The following SCD5 variants were observed in gnomAD, a reference collection of about 807,000 sequenced individuals.
SCD5 encodes stearoyl-CoA desaturase 5.
A neutral mutation model predicts 30.4 loss-of-function variants in SCD5; 20 were observed. The ratio of observed to expected loss-of-function variants is 0.66; its 90% CI spans 0.46 to 0.96. SCD5 has a LOEUF of 0.96. Among genes scored for constraint, SCD5 ranks in the 40% least tolerant of loss-of-function variants. The pLI is 0.00. For synonymous variants in SCD5, 173 were observed against 176.4 expected (o/e 0.98, Z 0.16); for missense variants, 381 against 443.3 (o/e 0.86, Z 1.26).
chr4:82,699,407 CAG>C (rs1192370450), intron 2 of SCD5, among the ~76,000 whole-genome samples: 1 of 151,742 alleles, frequency 6.6e-6, no homozygotes, highest in East Asian at 1.9e-4. Flanking sequence ...TTTTTTGAGA[CAG>C]AGACTCGCTC....
At chr4:82,744,469 T>A (rs1284660859) in intron 1 of SCD5, among the ~76,000 whole-genome samples, 2 of 152,184 alleles carry the variant, frequency 1.3e-5, no homozygotes, top group Non-Finnish European at 2.9e-5. Flanking sequence ...GCAAGCTGTA[T>A]CCCCACGACC....
chr4:82,646,434 G>C (rs1727635188), intron 3 of SCD5, among the ~76,000 whole-genome samples: 1 of 152,120 alleles, frequency 6.6e-6, no homozygotes, highest in Non-Finnish European at 1.5e-5. Context: ...GCCCATTTTG[G>C]GGTAGCTCTG....
intron 3 of SCD5, among the ~76,000 whole-genome samples, chr4:82,637,427 T>C (rs1340808714): frequency 1.3e-5 from 2 of 152,136 alleles, no homozygotes; most frequent in Non-Finnish European, 2.9e-5. Context: ...AAATCACCCA[T>C]AGTTTGAGTT....
intron 1 of SCD5, among the ~76,000 whole-genome samples, chr4:82,723,034 G>A (rs62311786): frequency 4.5e-5 from 6 of 134,742 alleles, no homozygotes; most frequent in Middle Eastern, 5.2e-3. Flanking sequence ...CCGAGATCGC[G>A]CCATTGCACT....
rs2148817937 is a variant in SCD5 at position 82,665,540 on chromosome 4, T to C, written c.569+15167A>G. ...TTATGTAAGGCATAAGACAAGGTAC[T>C]GACATCTTTAAAATACCAAGAGAAA... On this transcript the variant is annotated intron_variant, in intron 3 of 4. Transcript: ENST00000319540. Among the ~76,000 whole-genome samples, 2 of 152,220 alleles carry C rather than the reference T, an allele frequency of 1.3e-5. 1 individual carries two copies. Among genetic ancestry groups the C allele is most frequent in the Non-Finnish European group, 2.9e-5 (2 of 68,012 alleles).
chr4:82,753,315 T>C (rs1266646396), intron 1 of SCD5: 3 of 503,844 alleles, frequency 6.0e-6, no homozygotes, highest in Non-Finnish European at 1.2e-5. Context: ...GGGGTGGGGG[T>C]GGGGGGTTCT....
chr4:82,680,561 T>A, intron 3 of SCD5, 146 bp downstream of exon 3: 1 of 709,672 alleles, frequency 1.4e-6, no homozygotes. Context: ...AGGAAATTAA[T>A]AAATAGAGAT....
intron 1 of SCD5, among the ~76,000 whole-genome samples, chr4:82,750,897 C>CTAGTGAAACTAG (rs1721088344): frequency 6.6e-6 from 1 of 152,170 alleles, no homozygotes; most frequent in Non-Finnish European, 1.5e-5. Context: ...CAGAGTTCCC[C>CTAGTGAAACTAG]AACTAGTGAA....
chr4:82,631,720 G>A (rs969929717), intron 4 of SCD5, among the ~76,000 whole-genome samples: 4 of 152,250 alleles, frequency 2.6e-5, no homozygotes, highest in East Asian at 3.9e-4. Context: ...GCAATAAATC[G>A]TCACAAGATT....
At chr4:82,719,660 C>T (rs1164589614) in intron 1 of SCD5, among the ~76,000 whole-genome samples, 3 of 151,482 alleles carry the variant, frequency 2.0e-5, no homozygotes, top group African/African-American at 4.9e-5. Flanking sequence ...CCCGCTACCA[C>T]GCCCAGCTAA....
intron 1 of SCD5, among the ~76,000 whole-genome samples, chr4:82,777,536 G>A (rs1203247662): frequency 2.6e-5 from 4 of 152,222 alleles, no homozygotes; most frequent in African/African-American, 7.2e-5. Flanking sequence ...TAATAGGTGT[G>A]TGATGGTTGG....
At position 82,740,517 on chromosome 4, in the gene SCD5, A is replaced by G. The variant is rs569563477; in HGVS notation, c.233-35104T>C. Among the ~76,000 whole-genome samples the G allele has an allele frequency of 5.9e-5, 9 of 152,356 alleles. No homozygotes were observed. In the South Asian group the frequency reaches 1.5e-3, roughly 25 times the overall value. ...ATCTATAGTGAAGTTCATTTTCACA[A>G]TAAGCTTTGGAGGGTATCATTCATC... is the stretch of plus-strand genomic sequence containing the variant. On this transcript the variant is annotated intron_variant, in intron 1 of 4. Coordinates refer to ENST00000319540, the MANE Select transcript of SCD5 (RefSeq NM_001037582.3).
chr4:82,781,270 G>C (rs980132748), intron 1 of SCD5, among the ~76,000 whole-genome samples: 2 of 152,012 alleles, frequency 1.3e-5, no homozygotes, highest in South Asian at 2.1e-4. Flanking sequence ...AAAATAATTA[G>C]TCAGGCGTGG....
intron 1 of SCD5, among the ~76,000 whole-genome samples, chr4:82,706,271 C>T (rs58866738): frequency 0.31 from 47,323 of 152,082 alleles, 7,823 homozygotes; most frequent in Middle Eastern, 0.45. Flanking sequence ...TGATTCTATT[C>T]TGCCAGTAGG....
At chr4:82,746,811 T>A (rs1720992655) in intron 1 of SCD5, among the ~76,000 whole-genome samples, 1 of 152,088 alleles carries the variant, frequency 6.6e-6, no homozygotes, top group Admixed American at 6.5e-5. Context: ...CCACCCTTGG[T>A]CCTGCGCCCA....
rs1318404345 is a variant in SCD5, at chr4:82,679,261, AAG to A, written c.569+1444_569+1445del. On this transcript the variant is annotated intron_variant, in intron 3 of 4. Coordinates refer to ENST00000319540, the MANE Select transcript of SCD5 (RefSeq NM_001037582.3). ...GAAAGAAAGAAAGAAAGAAAGAAAG[AAG>A]GAAGGAAAGAAAGAAAGAAGGAAGG... is the stretch of plus-strand genomic sequence containing the variant. Among the ~76,000 whole-genome samples, 8 of 103,954 alleles carry A rather than the reference AAG, an allele frequency of 7.7e-5. 1 individual carries two copies. The highest frequency in any genetic ancestry group is 3.2e-4 in the Admixed American group (3 of 9,408). The allele number at this position is 103,954 out of a possible 152,430, so 68.2% of individuals were successfully genotyped here. A position where few individuals can be genotyped will look rare whatever the true frequency, so the allele number is the denominator to read the frequency against.
intron 2 of SCD5, among the ~76,000 whole-genome samples, chr4:82,698,973 C>T (rs1338289182): frequency 2.0e-5 from 3 of 152,190 alleles, no homozygotes; most frequent in Admixed American, 1.3e-4. Flanking sequence ...TCTTGTTCTC[C>T]TGTGCCTAGA....
intron 1 of SCD5, among the ~76,000 whole-genome samples, chr4:82,759,695 C>T (rs563902793): frequency 1.5e-4 from 22 of 150,634 alleles, no homozygotes; most frequent in African/African-American, 5.4e-4. Flanking sequence ...CTTTTCCTGG[C>T]AAATGCTCCT....
intron 2 of SCD5, among the ~76,000 whole-genome samples, chr4:82,697,398 G>A (rs1217000036): frequency 1.3e-5 from 2 of 152,290 alleles, no homozygotes; most frequent in African/African-American, 4.8e-5. Context: ...TACAAAGCAG[G>A]TAAGATCTGC....
Sources: allele counts gnomAD v4.1 joint callset (sites outside exome capture counted in the v4.1 genomes callset), GRCh38; gene constraint gnomAD v4.1.1; transcripts MANE v1.5; gene names NCBI Gene and HGNC (gene_info 2026-07-23, HGNC 2026-07-21).